The following GLS variants were observed in gnomAD, a reference collection of about 807,000 sequenced individuals.
GLS encodes the protein glutaminase, also known as glutaminase kidney isoform, mitochondrial.
A neutral mutation model predicts 86.7 loss-of-function variants in GLS; 36 were observed. The ratio of observed to expected loss-of-function variants is 0.42; its 90% confidence interval spans 0.32 to 0.55. The LOEUF (loss-of-function observed/expected upper bound fraction) is 0.55, where lower values mean the gene tolerates loss of function less well. GLS is among the 20% of genes least tolerant of loss of function. The pLI is 0.17. For synonymous variants in GLS, 317 were observed against 305.9 expected (o/e 1.04, Z -0.38); for missense variants, 528 against 833.4 (o/e 0.63, Z 4.51).
Position 190,935,301 on chromosome 2 carries a change from TTTTTGTTTTG to T in GLS, c.1650+3679_1650+3688del, listed in dbSNP as rs757623924. ...TTATTTTAAGCTGATTTTATTGTTT[TTTTTGTTTTG>T]TTTTGTTTTGTTTTTATAAAAGCAA... On this transcript the variant is annotated intron_variant, in intron 14 of 17. Transcript: ENST00000320717. The surrounding 1 kb of genome is among the most constrained non-coding windows in gnomAD (Gnocchi z 4.2). 5 of 493,188 alleles carry T rather than the reference TTTTTGTTTTG, an allele frequency of 1.0e-5. No individual in the cohort carries two copies. The highest frequency in any genetic ancestry group is 1.5e-4 in the East Asian group (1 of 6,624). 30.6% of individuals were successfully genotyped at this position (493,188 alleles called of 1,614,324 possible). A position where few individuals can be genotyped will look rare whatever the true frequency, so the allele number is the denominator to read the frequency against.
At chr2:190,934,111 A>G (rs918137564) in intron 14 of GLS, 7 of 981,468 alleles carry the variant, frequency 7.1e-6, no homozygotes, top group East Asian at 1.1e-4. Context: ...TAGTTCCCCT[A>G]TAATTTCAAG....
intron 1 of GLS, 37 bp downstream of exon 1, chr2:190,881,507 T>G (rs78219026): frequency 0.099 from 150,586 of 1,522,412 alleles, 10,652 homozygotes; most frequent in Admixed American, 0.36. Flanking sequence ...GCCTCGTTCC[T>G]TTCGGGGCCC....
rs530750926 is a variant in GLS at position 190,953,123 on chromosome 2, T to C, written c.1651-442T>C. On this transcript the variant is annotated intron_variant, in intron 14 of 17. Transcript: ENST00000320717. The surrounding 1 kb of genome is among the most constrained non-coding windows in gnomAD (Gnocchi z 4.0). ...CTCTTAAGATTTGCAAAGAAGCCAGTGATTGGTGAGGATAGTGATTCTTGG... is the reference window on the plus strand; with the variant it reads ...CTCTTAAGATTTGCAAAGAAGCCAGCGATTGGTGAGGATAGTGATTCTTGG... 6.6e-6 allele frequency among the ~76,000 whole-genome samples: 1 copy of C among 152,364 alleles called. No individual in the cohort carries two copies. The highest frequency in any genetic ancestry group is 2.1e-4 in the South Asian group (1 of 4,834).
rs186555452 is a variant in GLS, at chr2:190,942,271, G to A, written c.1650+10634G>A. ...ATTTTTTGTATTTTTTAGTAGAGAC[G>A]GGGTTTCACCATGTTAGCCAAGATG... On this transcript the variant is annotated intron_variant, in intron 14 of 17. Transcript: ENST00000320717. 8.4e-3 allele frequency among the ~76,000 whole-genome samples: 1,270 copies of A among 151,420 alleles called. 5 individuals are homozygous for A. The highest frequency in any genetic ancestry group is 0.024 in the Middle Eastern group (7 of 294).
intron 13 of GLS, among the ~76,000 whole-genome samples, chr2:190,931,256 A>T (rs1322926815): frequency 6.6e-6 from 1 of 152,130 alleles, no homozygotes; most frequent in Non-Finnish European, 1.5e-5. Flanking sequence ...CTTTACACTT[A>T]TTTGATAGAA....
intron 12 of GLS, among the ~76,000 whole-genome samples, chr2:190,928,295 T>A (rs1025021362): frequency 2.6e-5 from 4 of 151,812 alleles, no homozygotes; most frequent in Non-Finnish European, 5.9e-5. Flanking sequence ...AAATATTTAG[T>A]TAGTGTTTAG....
Position 190,924,121 on chromosome 2 carries a change from C to T in GLS, c.1197+138C>T, listed in dbSNP as rs189948717. On this transcript the variant is annotated intron_variant, in intron 10 of 17. Transcript: ENST00000320717. This position sits in a 1 kb window ranked among gnomAD's most constrained non-coding sequence, Gnocchi z 5.2. ...GGTGCAGAAGTTTTTGCAGAGTGCT[C>T]GTGAGTCAGTGTTATCAAATTGTTA... 971 of 595,420 alleles carry T rather than the reference C, an allele frequency of 1.6e-3. 2 individuals carry two copies. Among genetic ancestry groups the T allele is most frequent in the Non-Finnish European group, 2.3e-3 (769 of 335,210 alleles). The allele number at this position is 595,420 out of a possible 1,614,324, so 36.9% of individuals were successfully genotyped here. A position where few individuals can be genotyped will look rare whatever the true frequency, so the allele number is the denominator to read the frequency against.
At chr2:190,928,563 G>C (rs1689979746) in intron 12 of GLS, among the ~76,000 whole-genome samples, 1 of 151,926 alleles carries the variant, frequency 6.6e-6, no homozygotes, top group Non-Finnish European at 1.5e-5. Context: ...TCGAACTCCT[G>C]ACCTCAAATA....
At chr2:190,942,302 G>A (rs531789952) in intron 14 of GLS, among the ~76,000 whole-genome samples, 158 of 151,798 alleles carry the variant, frequency 1.0e-3, no homozygotes, top group African/African-American at 3.7e-3. Context: ...AGATGGTCTC[G>A]ATCTCCTGAC....
Position 190,920,968 on chromosome 2 carries a change from A to C in GLS, c.1039-56A>C, listed in dbSNP as rs746001286. 3 of 913,608 alleles carry C rather than the reference A, an allele frequency of 3.3e-6. No homozygotes were observed. Among genetic ancestry groups the C allele is most frequent in the Non-Finnish European group, 5.4e-6 (3 of 556,410 alleles). 56.6% of individuals were successfully genotyped at this position (913,608 alleles called of 1,614,324 possible). On this transcript the variant is annotated intron_variant, in intron 7 of 17. Transcript: ENST00000320717. This position sits in a 1 kb window ranked among gnomAD's most constrained non-coding sequence, Gnocchi z 4.2. Reference sequence around the variant, plus strand: ...CTTTGAAATTTTGATATTGGCTTGAAACTTAACTGTAGTGGTACCTATATT... The same window carrying C: ...CTTTGAAATTTTGATATTGGCTTGACACTTAACTGTAGTGGTACCTATATT...
At chr2:190,942,342 A>C (rs1690462271) in intron 14 of GLS, among the ~76,000 whole-genome samples, 1 of 151,912 alleles carries the variant, frequency 6.6e-6, no homozygotes, top group Non-Finnish European at 1.5e-5. Context: ...GGTCTCCCAA[A>C]ATGCTGGGAT....
chr2:190,927,541 T>TA, intron 12 of GLS, 59 bp downstream of exon 12: 1 of 1,224,492 alleles, frequency 8.2e-7, no homozygotes, highest in Non-Finnish European at 1.1e-6. Flanking sequence ...CTGGTTCTTT[T>TA]AAAAATGCAG....
intron 17 of GLS, among the ~76,000 whole-genome samples, chr2:190,961,945 C>T (rs572932006): frequency 3.3e-5 from 5 of 152,172 alleles, no homozygotes; most frequent in African/African-American, 1.2e-4. Context: ...AGATCATCAG[C>T]CATGGAGAAT....
intron 7 of GLS, among the ~76,000 whole-genome samples, chr2:190,916,915 G>A (rs192695608): frequency 4.6e-5 from 7 of 152,158 alleles, no homozygotes; most frequent in South Asian, 2.1e-4. Context: ...AAGGATCATC[G>A]GAGCCTTCAG....
chr2:190,958,194 T>G (rs535351678), intron 17 of GLS, among the ~76,000 whole-genome samples: 5 of 152,346 alleles, frequency 3.3e-5, no homozygotes, highest in African/African-American at 1.2e-4. Context: ...ATTTATCAAT[T>G]TCTTCTAGAT....
intron 17 of GLS, among the ~76,000 whole-genome samples, chr2:190,958,227 G>A (rs1211919300): frequency 6.6e-6 from 1 of 152,166 alleles, no homozygotes; most frequent in Non-Finnish European, 1.5e-5. Flanking sequence ...TTGCATAGAG[G>A]TGTTTATAGT....
intron 1 of GLS, among the ~76,000 whole-genome samples, chr2:190,884,274 A>G (rs1232563856): frequency 6.6e-6 from 1 of 152,170 alleles, no homozygotes; most frequent in Non-Finnish European, 1.5e-5. Context: ...TTGTGTAGGT[A>G]ATACTTCACC....
intron 12 of GLS, 86 bp downstream of exon 12, chr2:190,927,568 A>G: frequency 1.1e-6 from 1 of 901,400 alleles, no homozygotes; most frequent in Non-Finnish European, 1.7e-6. Context: ...CTTTGCTTCT[A>G]AAGCTGTATA....
intron 1 of GLS, among the ~76,000 whole-genome samples, chr2:190,883,755 C>G (rs1387241600): frequency 6.6e-6 from 1 of 152,200 alleles, no homozygotes; most frequent in Non-Finnish European, 1.5e-5. Context: ...TTTTGCTCTG[C>G]TGATAAATAA....
Sources: gnomAD v4.1 joint callset for allele counts (sites outside exome capture counted in the v4.1 genomes callset) on GRCh38, gnomAD v4.1.1 for gene constraint, Gnocchi (gnomAD v3.1) non-coding constraint, MANE v1.5 for transcripts, NCBI Gene and HGNC (gene_info 2026-07-23, HGNC 2026-07-21) for gene names.